PSG11: variants seen among roughly 807,000 people sequenced by gnomAD.
PSG11 encodes the protein pregnancy-specific beta-1-glycoprotein 11.
A neutral mutation model predicts 36.0 loss-of-function variants in PSG11; 42 were observed. The observed-to-expected ratio is 1.17, with a 90% CI of 0.91 to 1.51. The LOEUF (loss-of-function observed/expected upper bound fraction) is 1.51, where lower values mean the gene tolerates loss of function less well. PSG11 is among the 40% of genes most tolerant of loss of function. PSG11 has a pLI of 0.00. For missense variants in PSG11, 558 were observed against 403.5 expected (o/e 1.38, Z -3.28); for synonymous variants, 206 against 153.5 (o/e 1.34, Z -2.53).
At chr19:43,013,093 C>A (rs1489024278) in intron 4 of PSG11, among the ~76,000 whole-genome samples, 1 of 151,250 alleles carries the variant, frequency 6.6e-6, no homozygotes, top group Non-Finnish European at 1.5e-5. Context: ...AAGAGTGGAA[C>A]CTTTACCTAA....
At chr19:43,011,751 C>T (rs192566020) in intron 4 of PSG11, among the ~76,000 whole-genome samples, 37 of 150,790 alleles carry the variant, frequency 2.5e-4, no homozygotes, top group African/African-American at 8.8e-4. Flanking sequence ...ACTAGCTGCG[C>T]ATGGTGACAT....
intron 2 of PSG11, chr19:43,019,507 G>C (rs1330330822): frequency 5.4e-6 from 1 of 183,786 alleles, no homozygotes; most frequent in Non-Finnish European, 1.2e-5. Flanking sequence ...ACTTCCCATT[G>C]TCCTTAAACC....
intron 3 of PSG11, chr19:43,016,127 T>C (rs1453615844): frequency 1.3e-6 from 2 of 1,527,762 alleles, no homozygotes; most frequent in Admixed American, 1.9e-5. Flanking sequence ...AGTTGGCATC[T>C]CCCACCTCTC....
rs140785046 is a variant in PSG11 at position 43,025,000 on chromosome 19, G to C, written c.121C>G (p.Gln41Glu). 3.7e-6 allele frequency: 6 copies of C among 1,611,062 alleles called. 1 individual carries two copies. In the Admixed American group the frequency reaches 5.0e-5, roughly 13 times the overall value. Residue 41 changes from glutamine to glutamate, a missense_variant, in exon 2 of 6, where the codon CAG (glutamine) becomes GAG (glutamate). Transcript: ENST00000320078. ...PTTAQVMIEA[Q>E]PPKVSEGKDV... ...TTCCCCTCGGACACTTTGGGTGGCT[G>C]GGCTTCAATCATGACTTGGGCAGTG...
In PSG11 at chr19:43,015,406, T is replaced by C. The variant is rs776545779; in HGVS notation, c.710-36A>G. 16 of 1,587,486 alleles carry C rather than the reference T, an allele frequency of 1.0e-5. 1 individual carries two copies. In the African/African-American group the frequency reaches 1.8e-4, roughly 18 times the overall value. ...GAGAATAAAGCCACAGTTGATGTCA[T>C]CTGAGGGAAGGGGAAGCTCCTTGTC... On this transcript the variant is annotated intron_variant, in intron 3 of 5. Transcript: ENST00000320078.
At chr19:43,012,338 G>C (rs1351942068) in intron 4 of PSG11, among the ~76,000 whole-genome samples, 1 of 151,398 alleles carries the variant, frequency 6.6e-6, no homozygotes, top group East Asian at 1.9e-4. Flanking sequence ...ATTCAAATTG[G>C]AAGGAAGGAG....
chr19:43,019,131 G>A, intron 2 of PSG11, 83 bp from the exon 3 acceptor site: 1 of 1,559,518 alleles, frequency 6.4e-7, no homozygotes, highest in South Asian at 1.2e-5. Context: ...ATTGGCATTT[G>A]CCACCTCTCA....
rs781425103 is a variant in PSG11 at position 43,018,837 on chromosome 19, G to T, written c.642C>A (p.Pro214=). ...CTGAGTTCCATATTTCACATTCATA[G>T]GGTCCTGCAGTATACTTTGTGACAC... is the stretch of plus-strand genomic sequence containing the variant. ...LFGVTKYTAG[P]YECEIWNSGS... The change falls in exon 3 of 6, where the codon CCC becomes CCA. Residue 214 remains proline, a synonymous_variant. Coordinates refer to ENST00000320078, the MANE Select transcript of PSG11 (RefSeq NM_002785.3). The T allele has an allele frequency of 1.9e-6, 3 of 1,611,984 alleles. No individual in the cohort carries two copies. The highest frequency in any genetic ancestry group is 2.7e-5 in the African/African-American group (2 of 74,438).
At chr19:43,008,361 CT>C (rs1478566346) in intron 5 of PSG11, among the ~76,000 whole-genome samples, 1 of 151,210 alleles carries the variant, frequency 6.6e-6, no homozygotes, top group Non-Finnish European at 1.5e-5. Flanking sequence ...CAAGCTCTGC[CT>C]CCCGGGTTCA....
chr19:43,016,710 A>G (rs974987656), intron 3 of PSG11, among the ~76,000 whole-genome samples: 3 of 151,512 alleles, frequency 2.0e-5, no homozygotes, highest in African/African-American at 7.3e-5. Flanking sequence ...AGCGCAAGGA[A>G]TGATCTAGGA....
intron 5 of PSG11, 179 bp from the exon 6 acceptor site, chr19:43,008,221 T>C (rs1238441185): frequency 2.4e-5 from 5 of 212,042 alleles, no homozygotes; most frequent in Non-Finnish European, 4.8e-5. Context: ...CTTATGACAC[T>C]ATGGTAACAT....
intron 4 of PSG11, among the ~76,000 whole-genome samples, chr19:43,011,436 G>A (rs538810614): frequency 6.6e-6 from 1 of 150,850 alleles, no homozygotes; most frequent in Non-Finnish European, 1.5e-5. Context: ...GAAATAATAA[G>A]GATTAGAGTT....
chr19:43,010,230 GT>G (rs774331749), intron 4 of PSG11, 189 bp from the exon 5 acceptor site: 5 of 1,452,872 alleles, frequency 3.4e-6, no homozygotes, highest in Non-Finnish European at 4.5e-6. Flanking sequence ...ATGTTTCTCA[GT>G]TGGTGATCAG....
intron 2 of PSG11, among the ~76,000 whole-genome samples, chr19:43,022,487 G>C (rs1318052657): frequency 6.6e-6 from 1 of 151,282 alleles, no homozygotes; most frequent in South Asian, 2.1e-4. Flanking sequence ...AAATCTCTAA[G>C]CCCTGATCCA....
intron 5 of PSG11, among the ~76,000 whole-genome samples, chr19:43,009,555 A>T (rs1271624720): frequency 6.6e-6 from 1 of 151,378 alleles, no homozygotes; most frequent in African/African-American, 2.4e-5. Flanking sequence ...AGATTTTAGA[A>T]AGGTAATGAG....
chr19:43,025,058 T>C lies in PSG11; in HGVS notation c.65-2A>G. 5 of 1,608,210 alleles carry C rather than the reference T, an allele frequency of 3.1e-6. No individual in the cohort carries two copies. Among genetic ancestry groups the C allele is most frequent in the Non-Finnish European group, 4.2e-6 (5 of 1,177,072 alleles). On this transcript the variant is annotated splice_acceptor_variant, in intron 1 of 5. Transcript: ENST00000320078. LOFTEE classifies it high-confidence loss of function. ...AGTTCCAGAAGTTTAAAAGTAATGC[T>C]AGGAGGTGGAGAGAGCATCAGTCAA...
intron 2 of PSG11, among the ~76,000 whole-genome samples, chr19:43,024,241 C>T (rs114192414): frequency 6.6e-6 from 1 of 151,352 alleles, no homozygotes; most frequent in African/African-American, 2.4e-5. Context: ...AAGCCACAAC[C>T]CAGCCCTGGA....
intron 2 of PSG11, among the ~76,000 whole-genome samples, chr19:43,024,180 A>G (rs867285732): frequency 7.9e-5 from 12 of 151,430 alleles, no homozygotes; most frequent in African/African-American, 2.2e-4. Context: ...TCCAGGAGAC[A>G]CAGTCCTCAG....
At chr19:43,014,496 C>G (rs1316569186) in intron 4 of PSG11, 4 of 976,496 alleles carry the variant, frequency 4.1e-6, no homozygotes, top group Non-Finnish European at 4.9e-6. Context: ...TCCTTGCAGC[C>G]TGGCCCGGGG....
Sources: allele counts gnomAD v4.1 joint callset (sites outside exome capture counted in the v4.1 genomes callset), GRCh38; gene constraint gnomAD v4.1.1; transcripts MANE v1.5; gene names NCBI Gene and HGNC (gene_info 2026-07-23, HGNC 2026-07-21).